The following SGCG variants were observed in gnomAD, a reference collection of about 807,000 sequenced individuals.
The protein encoded by SGCG is gamma-sarcoglycan.
Under a neutral mutation model 29.3 loss-of-function variants are expected in SGCG, and 26 were observed. That is an observed-to-expected ratio of 0.89 (90% CI 0.65 to 1.23). The LOEUF is 1.23. Ranked by LOEUF, SGCG falls within the 50% of genes most tolerant of loss-of-function variation. The probability of loss-of-function intolerance (pLI) is 0.00; values close to 1 mark genes in which losing one functional copy is unlikely to be tolerated. For synonymous variants in SGCG, 145 were observed against 129.7 expected (o/e 1.12, Z -0.80); for missense variants, 353 against 356.0 (o/e 0.99, Z 0.07).
chr13:23,219,953 A>G (rs1348116335), intron 2 of SGCG, among the ~76,000 whole-genome samples: 3 of 147,946 alleles, frequency 2.0e-5, no homozygotes, highest in Non-Finnish European at 4.4e-5. Flanking sequence ...CTCCTGCCTC[A>G]GCCTCCCAAG....
chr13:23,324,806 G>A lies in SGCG; in HGVS notation c.*265G>A, dbSNP rs540325559. On this transcript the variant is annotated 3_prime_UTR_variant, in exon 8 of 8. Transcript: ENST00000218867. ...GATTAATTTTCACCGGAACAATTGC[G>A]AATTCTCTCTGCCTCGCCTCCCCCT... 20 of 460,644 alleles carry A rather than the reference G, an allele frequency of 4.3e-5. No individual in the cohort carries two copies. Among genetic ancestry groups the A allele is most frequent in the Non-Finnish European group, 4.4e-5 (11 of 248,392 alleles). The allele number at this position is 460,644 out of a possible 1,614,324, so 28.5% of individuals were successfully genotyped here. A position where few individuals can be genotyped will look rare whatever the true frequency, so the allele number is the denominator to read the frequency against.
intron 2 of SGCG, among the ~76,000 whole-genome samples, chr13:23,233,159 A>C (rs1182406993): frequency 6.6e-6 from 1 of 152,360 alleles, no homozygotes; most frequent in South Asian, 2.1e-4. Context: ...ATGTGGAAGC[A>C]ACCCAAGTAT....
chr13:23,293,568 G>A (rs1187956446), intron 5 of SGCG, among the ~76,000 whole-genome samples: 2 of 152,176 alleles, frequency 1.3e-5, no homozygotes, highest in African/African-American at 2.4e-5. Flanking sequence ...GGTGGCTCAC[G>A]CCTATAATCC....
intron 1 of SGCG, among the ~76,000 whole-genome samples, chr13:23,195,352 CTG>C (rs1877447597): frequency 6.6e-6 from 1 of 152,142 alleles, no homozygotes; most frequent in African/African-American, 2.4e-5. Flanking sequence ...AAATATAAAA[CTG>C]TGTTTTAAAA....
At chr13:23,261,273 T>TA (rs77352466) in intron 4 of SGCG, among the ~76,000 whole-genome samples, 3,906 of 150,518 alleles carry the variant, frequency 0.026, 242 homozygotes, top group East Asian at 0.25. Context: ...CAGTTATGAG[T>TA]AAAAAAAAAT....
intron 5 of SGCG, among the ~76,000 whole-genome samples, chr13:23,281,151 A>G (rs1881290551): frequency 6.6e-6 from 1 of 152,002 alleles, no homozygotes; most frequent in South Asian, 2.1e-4. Context: ...CCTGGACAAC[A>G]TGGCGAAACC....
intron 5 of SGCG, among the ~76,000 whole-genome samples, chr13:23,290,434 G>A (rs141467357): frequency 5.3e-5 from 8 of 152,288 alleles, no homozygotes; most frequent in Non-Finnish European, 1.2e-4. Context: ...TACGATAATC[G>A]TTTTTCTGGT....
intron 1 of SGCG, among the ~76,000 whole-genome samples, chr13:23,195,532 G>A (rs1024893906): frequency 5.3e-5 from 8 of 151,420 alleles, no homozygotes; most frequent in South Asian, 4.2e-4. Flanking sequence ...CTCTTTTCAG[G>A]TCTGTTAGAT....
chr13:23,179,773 A>T (rs573041402), upstream of SGCG, among the ~76,000 whole-genome samples: 32 of 152,332 alleles, frequency 2.1e-4, no homozygotes, highest in Middle Eastern at 3.4e-3. Context: ...TTCAAAAGAA[A>T]TTATGGTAGA....
the SGCG span, among the ~76,000 whole-genome samples, chr13:23,167,939 G>A: frequency 6.3e-3 from 954 of 152,218 alleles, 8 homozygotes; most frequent in South Asian, 0.039. Context: ...CACCATGTTT[G>A]TTGGCCAGTC....
intron 2 of SGCG, among the ~76,000 whole-genome samples, chr13:23,208,486 G>A (rs1878067431): frequency 6.6e-6 from 1 of 152,086 alleles, no homozygotes; most frequent in South Asian, 2.1e-4. Flanking sequence ...AAATTTAAAA[G>A]AGAGAAGACT....
chr13:23,238,695 G>A (rs151083839), intron 3 of SGCG, among the ~76,000 whole-genome samples: 178 of 152,262 alleles, frequency 1.2e-3, no homozygotes, highest in Middle Eastern at 3.4e-3. Context: ...CATTTCATCT[G>A]TGCACAAAAG....
At chr13:23,248,059 G>C (rs1879788308) in intron 3 of SGCG, among the ~76,000 whole-genome samples, 1 of 150,498 alleles carries the variant, frequency 6.6e-6, no homozygotes, top group African/African-American at 2.4e-5. Flanking sequence ...TGGATCACTT[G>C]AGCCCAGGAG....
the SGCG span, among the ~76,000 whole-genome samples, chr13:23,168,159 C>T: frequency 1.3e-5 from 2 of 152,118 alleles, no homozygotes; most frequent in Middle Eastern, 3.2e-3. Context: ...TCTCCCATTC[C>T]GTGACTGGTT....
intron 1 of SGCG, among the ~76,000 whole-genome samples, chr13:23,192,174 CA>C (rs1201131052): frequency 0.23 from 25,481 of 112,644 alleles, 2,753 homozygotes; most frequent in East Asian, 0.46. Context: ...GACTGCGTCC[CA>C]AAAAAAAAAA....
intron 4 of SGCG, among the ~76,000 whole-genome samples, chr13:23,266,011 C>A (rs1327822899): frequency 1.3e-5 from 2 of 152,098 alleles, no homozygotes; most frequent in Non-Finnish European, 2.9e-5. Flanking sequence ...ATAAAATCAA[C>A]CTAAATGCCC....
intron 6 of SGCG, among the ~76,000 whole-genome samples, chr13:23,311,789 TA>T (rs1363538852): frequency 6.6e-6 from 1 of 152,256 alleles, no homozygotes; most frequent in Non-Finnish European, 1.5e-5. Flanking sequence ...TCTTTCTATC[TA>T]ATTTCTCAAA....
At chr13:23,279,738 T>TCCTTCC (rs1881233714) in intron 5 of SGCG, among the ~76,000 whole-genome samples, 1 of 102,398 alleles carries the variant, frequency 9.8e-6, no homozygotes, top group East Asian at 2.4e-4. Context: ...TTCTTTTTTT[T>TCCTTCC]TTCTTTTTAG....
At chr13:23,235,345 G>C (rs1294971224) in intron 3 of SGCG, among the ~76,000 whole-genome samples, 1 of 148,476 alleles carries the variant, frequency 6.7e-6, no homozygotes, top group Non-Finnish European at 1.5e-5. Flanking sequence ...GGCAACAAGA[G>C]CAAAACTCCA....
Sources: gnomAD v4.1 joint callset for allele counts (sites outside exome capture counted in the v4.1 genomes callset) on GRCh38, gnomAD v4.1.1 for gene constraint, MANE v1.5 for transcripts, NCBI Gene and HGNC (gene_info 2026-07-23, HGNC 2026-07-21) for gene names.